The following CLVS1 variants were observed in gnomAD, a reference collection of about 807,000 sequenced individuals.
CLVS1 encodes the protein clavesin-1.
Under a neutral mutation model 33.1 loss-of-function variants are expected in CLVS1, and 10 were observed. That is an observed-to-expected ratio of 0.30 (90% CI 0.19 to 0.51). CLVS1 has a LOEUF of 0.51. CLVS1 is among the 20% of genes least tolerant of loss of function. The probability of loss-of-function intolerance (pLI) is 0.97; values close to 1 mark genes in which losing one functional copy is unlikely to be tolerated. For missense variants in CLVS1, 343 were observed against 433.4 expected, an observed-to-expected ratio of 0.79 and a Z score of 1.85; for synonymous variants, 163 against 166.1, an observed-to-expected ratio of 0.98 and a Z score of 0.14.
chr8:61,479,553 T>C (rs544114573), intron 5 of CLVS1, among the ~76,000 whole-genome samples: 1 of 149,438 alleles, frequency 6.7e-6, no homozygotes, highest in South Asian at 2.1e-4. Flanking sequence ...CTCGGAGTAG[T>C]TGATCTTCTG....
chr8:61,410,631 C>A (rs1043222445), intron 3 of CLVS1, among the ~76,000 whole-genome samples: 2 of 152,012 alleles, frequency 1.3e-5, no homozygotes, highest in East Asian at 3.9e-4. Flanking sequence ...CTTTCTTTTT[C>A]TTTTTCCTTT....
upstream of CLVS1, among the ~76,000 whole-genome samples, chr8:61,056,885 G>A (rs139907838): frequency 9.9e-5 from 15 of 152,226 alleles, no homozygotes; most frequent in East Asian, 2.1e-3. Context: ...AATCCCTACC[G>A]GCTTCCTTCC....
At chr8:61,315,499 A>C (rs181176032) in intron 2 of CLVS1, among the ~76,000 whole-genome samples, 2 of 152,206 alleles carry the variant, frequency 1.3e-5, no homozygotes. Context: ...CGTGATATAC[A>C]TGACTGTGAT....
chr8:61,483,124 G>A (rs971702779), intron 5 of CLVS1, among the ~76,000 whole-genome samples: 5 of 151,952 alleles, frequency 3.3e-5, no homozygotes, highest in Non-Finnish European at 5.9e-5. Context: ...AGACACAAAA[G>A]ATCCTTCAAA....
chr8:61,386,041 TA>T (rs1414815923), intron 3 of CLVS1, among the ~76,000 whole-genome samples: 7 of 152,220 alleles, frequency 4.6e-5, no homozygotes, highest in Non-Finnish European at 1.0e-4. Flanking sequence ...TTGTTTCTGT[TA>T]GGCAACTAAT....
chr8:60,977,240 T>C, the CLVS1 span, among the ~76,000 whole-genome samples: 3 of 152,196 alleles, frequency 2.0e-5, no homozygotes, highest in Non-Finnish European at 2.9e-5. Context: ...TACCATAACA[T>C]AACACTCAAA....
chr8:61,444,667 G>A (rs1252924635), intron 3 of CLVS1, among the ~76,000 whole-genome samples: 1 of 152,130 alleles, frequency 6.6e-6, no homozygotes, highest in East Asian at 1.9e-4. Flanking sequence ...GAGTCACATG[G>A]GAAAGCCCCG....
At chr8:61,211,708 A>G (rs1255909793) in intron 2 of CLVS1, among the ~76,000 whole-genome samples, 1 of 152,230 alleles carries the variant, frequency 6.6e-6, no homozygotes, top group Non-Finnish European at 1.5e-5. Context: ...TTAAGCCGAG[A>G]CTGGCTATGT....
chr8:61,460,570 C>A (rs569232751), intron 5 of CLVS1, among the ~76,000 whole-genome samples: 2 of 152,148 alleles, frequency 1.3e-5, no homozygotes, highest in Admixed American at 1.3e-4. Context: ...TAAAATTGCC[C>A]ATGTTTGATG....
chr8:60,992,319 TG>T, the CLVS1 span, among the ~76,000 whole-genome samples: 6 of 152,084 alleles, frequency 3.9e-5, no homozygotes, highest in Non-Finnish European at 7.4e-5. Context: ...TCGTATTGAG[TG>T]GAGTTTAATA....
intron 1 of CLVS1, among the ~76,000 whole-genome samples, chr8:61,057,849 T>A (rs942471685): frequency 3.5e-4 from 54 of 152,180 alleles, no homozygotes; most frequent in African/African-American, 1.1e-3. Context: ...GCCTTTCACC[T>A]AGAAAGATTC....
At chr8:61,348,345 G>C (rs1017922877) in intron 2 of CLVS1, among the ~76,000 whole-genome samples, 2 of 136,792 alleles carry the variant, frequency 1.5e-5, no homozygotes, top group African/African-American at 5.2e-5. Context: ...GTGGGGGGAG[G>C]GGGGAGGGAT....
chr8:61,320,882 G>T (rs1283613481), intron 2 of CLVS1, among the ~76,000 whole-genome samples: 1 of 152,128 alleles, frequency 6.6e-6, no homozygotes, highest in East Asian at 1.9e-4. Flanking sequence ...AAGATAAGAA[G>T]TATGATACTG....
the CLVS1 span, among the ~76,000 whole-genome samples, chr8:60,986,062 C>G: frequency 6.6e-6 from 1 of 152,202 alleles, no homozygotes; most frequent in Non-Finnish European, 1.5e-5. Flanking sequence ...CCTGAATACC[C>G]AGCAATGTGT....
At chr8:61,159,320 T>C (rs1308903528) in intron 2 of CLVS1, among the ~76,000 whole-genome samples, 2 of 152,228 alleles carry the variant, frequency 1.3e-5, no homozygotes, top group Non-Finnish European at 2.9e-5. Flanking sequence ...CTACCTCATC[T>C]GCCTTAAACT....
At chr8:60,967,249 T>G in the CLVS1 span, among the ~76,000 whole-genome samples, 1 of 151,802 alleles carries the variant, frequency 6.6e-6, no homozygotes, top group Non-Finnish European at 1.5e-5. Context: ...GATTGGAACT[T>G]ACATATGAAA....
chr8:61,101,079 G>A (rs565014970), intron 1 of CLVS1, among the ~76,000 whole-genome samples: 1 of 152,134 alleles, frequency 6.6e-6, no homozygotes, highest in Admixed American at 6.5e-5. Context: ...ATCGTTCTTG[G>A]TATTTACCTA....
intron 2 of CLVS1, among the ~76,000 whole-genome samples, chr8:61,268,360 GGC>G (rs1365918629): frequency 9.9e-5 from 15 of 151,064 alleles, no homozygotes; most frequent in Admixed American, 7.9e-4. Context: ...CATTTTTTAT[GGC>G]TGCATAGTAT....
intron 2 of CLVS1, among the ~76,000 whole-genome samples, chr8:61,273,041 C>T (rs1809479682): frequency 6.6e-6 from 1 of 151,184 alleles, no homozygotes; most frequent in Non-Finnish European, 1.5e-5. Flanking sequence ...TGGTGAGGAA[C>T]TGCGTTCCTT....
Sources: allele counts gnomAD v4.1 joint callset (sites outside exome capture counted in the v4.1 genomes callset), GRCh38; gene constraint gnomAD v4.1.1; transcripts MANE v1.5; gene names NCBI Gene and HGNC (gene_info 2026-07-23, HGNC 2026-07-21).